Variants in GPHN observed in about 807,000 individuals in gnomAD.
The protein encoded by GPHN is gephyrin.
Under a neutral mutation model 95.5 loss-of-function variants are expected in GPHN, and 17 were observed. That is an observed-to-expected ratio of 0.18 (90% confidence interval 0.12 to 0.27). GPHN has a LOEUF of 0.27. Among genes scored for constraint, GPHN ranks in the 10% least tolerant of loss-of-function variants. The pLI, the probability that GPHN is intolerant of heterozygous loss-of-function variation, is 1.00. For synonymous variants in GPHN, 320 were observed against 322.5 expected (o/e 0.99, Z 0.08); for missense variants, 660 against 978.1 (o/e 0.67, Z 4.34).
At chr14:66,901,047 A>G (rs986661413) in intron 5 of GPHN, among the ~76,000 whole-genome samples, 5 of 152,012 alleles carry the variant, frequency 3.3e-5, no homozygotes, top group Non-Finnish European at 5.9e-5. Flanking sequence ...CCTTACCAGC[A>G]TGTGTTACTG....
chr14:66,796,129 C>A (rs1861294300), intron 3 of GPHN, among the ~76,000 whole-genome samples: 2 of 152,118 alleles, frequency 1.3e-5, no homozygotes, highest in African/African-American at 2.4e-5. Flanking sequence ...ATAATGACAT[C>A]CAGTTCCACT....
chr14:67,560,162 G>C, the GPHN span, among the ~76,000 whole-genome samples: 1 of 152,212 alleles, frequency 6.6e-6, no homozygotes, highest in East Asian at 1.9e-4. Context: ...TGAGTAGCTG[G>C]GGTTACAGGC....
intron 5 of GPHN, among the ~76,000 whole-genome samples, chr14:66,907,028 A>T (rs547681619): frequency 6.6e-6 from 1 of 152,280 alleles, no homozygotes; most frequent in East Asian, 1.9e-4. Context: ...TCATTCTATC[A>T]TATACCATTA....
At chr14:67,262,347 A>G in the GPHN span, among the ~76,000 whole-genome samples, 2 of 152,026 alleles carry the variant, frequency 1.3e-5, no homozygotes, top group Non-Finnish European at 2.9e-5. Context: ...TCTCTTTTCC[A>G]ATTCTTATCC....
chr14:66,877,666 A>G (rs2063732422), intron 4 of GPHN, among the ~76,000 whole-genome samples: 1 of 152,146 alleles, frequency 6.6e-6, no homozygotes, highest in African/African-American at 2.4e-5. Context: ...TGCCTAGAAT[A>G]TGACTAACAA....
chr14:66,930,051 C>G (rs984424617), intron 8 of GPHN, among the ~76,000 whole-genome samples: 1 of 152,154 alleles, frequency 6.6e-6, no homozygotes, highest in African/African-American at 2.4e-5. Flanking sequence ...TTTCTTGTGA[C>G]CAACAGATTG....
the GPHN span, among the ~76,000 whole-genome samples, chr14:67,308,747 C>A: frequency 6.6e-6 from 1 of 151,760 alleles, no homozygotes; most frequent in African/African-American, 2.4e-5. Context: ...TTGTTTTATA[C>A]CTTTATCAAT....
intron 1 of GPHN, among the ~76,000 whole-genome samples, chr14:66,665,783 A>G (rs1438935572): frequency 1.3e-5 from 2 of 152,204 alleles, no homozygotes; most frequent in East Asian, 1.9e-4. Flanking sequence ...TCATGCTGCT[A>G]TAAAGACACA....
At chr14:67,511,477 A>T in the GPHN span, among the ~76,000 whole-genome samples, 293 of 152,328 alleles carry the variant, frequency 1.9e-3, no homozygotes, top group African/African-American at 6.5e-3. Flanking sequence ...TCTCTTCTAT[A>T]ATACCAGCCA....
chr14:66,728,266 C>A (rs1367283211), intron 2 of GPHN, among the ~76,000 whole-genome samples: 1 of 152,114 alleles, frequency 6.6e-6, no homozygotes, highest in African/African-American at 2.4e-5. Context: ...CATGGAGAAT[C>A]TCTGCTAGGG....
the GPHN span, among the ~76,000 whole-genome samples, chr14:67,478,674 A>G: frequency 6.6e-6 from 1 of 152,166 alleles, no homozygotes; most frequent in African/African-American, 2.4e-5. Flanking sequence ...CCTGTCCTCC[A>G]GATCTCTACC....
chr14:67,196,215 C>T, the GPHN span, among the ~76,000 whole-genome samples: 1 of 145,306 alleles, frequency 6.9e-6, no homozygotes, highest in African/African-American at 2.6e-5. Flanking sequence ...CTTTTCTTTT[C>T]TTTCTTTCTT....
intron 4 of GPHN, among the ~76,000 whole-genome samples, chr14:66,878,863 A>G (rs1394211340): frequency 6.6e-6 from 1 of 152,074 alleles, no homozygotes; most frequent in Non-Finnish European, 1.5e-5. Flanking sequence ...CTGGGTATAT[A>G]CCCAAAATAT....
chr14:66,601,547 G>A (rs2062245375), intron 1 of GPHN, among the ~76,000 whole-genome samples: 1 of 151,842 alleles, frequency 6.6e-6, no homozygotes, highest in Admixed American at 6.6e-5. Flanking sequence ...ATTTTTTCCA[G>A]TACTATTTAA....
chr14:67,690,452 C>T, the GPHN span: 1 of 1,593,704 alleles, frequency 6.3e-7, no homozygotes, highest in Non-Finnish European at 8.6e-7. Context: ...TAATGAAGTT[C>T]AGGGCCATGT....
At chr14:66,591,004 A>G (rs901936027) in intron 1 of GPHN, among the ~76,000 whole-genome samples, 3 of 152,222 alleles carry the variant, frequency 2.0e-5, no homozygotes, top group African/African-American at 7.2e-5. Flanking sequence ...GGTTTAACCT[A>G]TGCAAATCAA....
intron 21 of GPHN, among the ~76,000 whole-genome samples, chr14:67,172,899 C>A (rs558497990): frequency 6.6e-6 from 1 of 152,318 alleles, no homozygotes; most frequent in East Asian, 1.9e-4. Flanking sequence ...GCCTCATCCC[C>A]TGGGACCTAG....
chr14:66,772,894 G>A (rs1300293919), intron 2 of GPHN, among the ~76,000 whole-genome samples: 1 of 152,130 alleles, frequency 6.6e-6, no homozygotes, highest in East Asian at 1.9e-4. Context: ...GATACCGTTT[G>A]CCCCAATGTT....
intron 4 of GPHN, among the ~76,000 whole-genome samples, chr14:66,874,039 G>A (rs575568309): frequency 1.2e-4 from 19 of 152,300 alleles, no homozygotes; most frequent in Admixed American, 2.6e-4. Context: ...GCTCTGGGAC[G>A]AAGCTTCCAG....
Sources: allele counts gnomAD v4.1 joint callset (sites outside exome capture counted in the v4.1 genomes callset), GRCh38; gene constraint gnomAD v4.1.1; transcripts MANE v1.5; gene names NCBI Gene and HGNC (gene_info 2026-07-23, HGNC 2026-07-21).